The following MYOF variants were observed in gnomAD, a reference collection of about 807,000 sequenced individuals.
MYOF encodes the protein fer-1-like 3, myoferlin.
In MYOF, 244 loss-of-function variants were observed where a neutral mutation model predicts 284.2. That is an observed-to-expected ratio of 0.86 (90% CI 0.77 to 0.95). The LOEUF (loss-of-function observed/expected upper bound fraction) is 0.95, where lower values mean the gene tolerates loss of function less well. MYOF is among the 40% of genes least tolerant of loss of function. The pLI, the probability that MYOF is intolerant of heterozygous loss-of-function variation, is 0.00. For missense variants in MYOF, 2,496 were observed against 2,560.6 expected (o/e 0.97, Z 0.54); for synonymous variants, 904 against 919.7 (o/e 0.98, Z 0.31).
Position 93,327,430 on chromosome 10 carries a change from G to A in MYOF, c.5131+1333C>T, listed in dbSNP as rs538365168. Among the ~76,000 whole-genome samples, 40 of 152,210 alleles carry A rather than the reference G, an allele frequency of 2.6e-4. No homozygotes were observed. In the South Asian group the frequency reaches 7.5e-3, roughly 28 times the overall value. On this transcript the variant is annotated intron_variant, in intron 45 of 53. Transcript: ENST00000359263. ...TTCTGTATATACTCTTGTGGCACAA[G>A]CTCATGGCCAGCCTCGGCCAGAACT...
intron 1 of MYOF, among the ~76,000 whole-genome samples, chr10:93,460,630 G>A (rs998006447): frequency 6.6e-6 from 1 of 151,986 alleles, no homozygotes; most frequent in Non-Finnish European, 1.5e-5. Context: ...AGCCGGGCAT[G>A]GTGGTGGACG....
rs1847814594 is a variant in MYOF at position 93,409,696 on chromosome 10, A to G, written c.477T>C (p.Asn159=). The change falls in exon 6 of 54, where the codon AAT becomes AAC. Residue 159 remains asparagine (N), a synonymous_variant. Coordinates refer to ENST00000359263, the MANE Select transcript of MYOF (RefSeq NM_013451.4). The part of the protein sequence containing the change: ...EDEGDEDRLD[N]AVRGPGPKGP... ...CCTTGGGCCCAGGGCCCCTGACTGC[A>G]TTGTCCAACCTGTCTTCATCACCTT... is the stretch of plus-strand genomic sequence containing the variant. 2 of 1,614,190 alleles carry G rather than the reference A, an allele frequency of 1.2e-6. No individual in the cohort carries two copies. The highest frequency in any genetic ancestry group is 1.3e-5 in the African/African-American group (1 of 75,044).
chr10:93,313,136 G>C lies in MYOF; in HGVS notation c.5773C>G (p.Pro1925Ala), dbSNP rs781234710. ...AGGGGGTTCATGGCTTTGAGGTCCG[G>C]AATCATGTCCAATCTGCATTTCTCT... ...SPEKCRLDMI[P>A]DLKAMNPLKA... The change falls in exon 51 of 54, where the codon CCG becomes GCG. Residue 1925 changes from proline to alanine, a missense_variant. Physicochemically the swap from Pro to Ala is conservative, Grantham distance 27 (BLOSUM62 -1). Around this residue, in one of 3 missense-constraint regions of MYOF, gnomAD observed 2,436 missense variants for 2,480.7 expected, o/e 0.98. Transcript: ENST00000359263. 1.2e-6 allele frequency: 2 copies of C among 1,613,986 alleles called. No individual in the cohort carries two copies. Among genetic ancestry groups the C allele is most frequent in the African/African-American group, 2.7e-5 (2 of 74,910 alleles).
intron 37 of MYOF, among the ~76,000 whole-genome samples, chr10:93,346,227 C>T (rs1844177952): frequency 6.6e-6 from 1 of 152,172 alleles, no homozygotes; most frequent in Non-Finnish European, 1.5e-5. Flanking sequence ...TTTTTTTCCT[C>T]TTCTCTGAAT....
intron 19 of MYOF, among the ~76,000 whole-genome samples, chr10:93,382,927 G>A (rs574901074): frequency 1.4e-4 from 21 of 152,024 alleles, no homozygotes; most frequent in South Asian, 4.2e-4. Context: ...ACTGTGTCTC[G>A]CTCTGTCACC....
chr10:93,471,005 G>A (rs1178091969), intron 1 of MYOF, among the ~76,000 whole-genome samples: 1 of 152,238 alleles, frequency 6.6e-6, no homozygotes, highest in African/African-American at 2.4e-5. Context: ...AGAGAGAAGG[G>A]CAAGGAATTT....
At chr10:93,399,705 C>G (rs1043171071) in intron 12 of MYOF, among the ~76,000 whole-genome samples, 5 of 152,156 alleles carry the variant, frequency 3.3e-5, no homozygotes, top group Admixed American at 6.5e-5. Flanking sequence ...AACCCCTTCT[C>G]TATTGAAAAT....
intron 17 of MYOF, among the ~76,000 whole-genome samples, chr10:93,391,357 G>C (rs542868018): frequency 6.6e-6 from 1 of 152,152 alleles, no homozygotes; most frequent in Non-Finnish European, 1.5e-5. Context: ...TTGGGAGGCT[G>C]AGGCAGACGG....
intron 38 of MYOF, among the ~76,000 whole-genome samples, chr10:93,341,206 G>GATCA (rs1273863830): frequency 6.6e-6 from 1 of 151,930 alleles, no homozygotes; most frequent in African/African-American, 2.4e-5. Flanking sequence ...TGGTTCCTGA[G>GATCA]ATCAGATTTT....
intron 49 of MYOF, among the ~76,000 whole-genome samples, chr10:93,317,435 G>C (rs892016017): frequency 2.0e-5 from 3 of 151,938 alleles, no homozygotes; most frequent in Non-Finnish European, 4.4e-5. Context: ...CCAGGAGTTT[G>C]AGACCAGCCT....
intron 42 of MYOF, 88 bp downstream of exon 42, chr10:93,333,670 C>G: frequency 6.6e-7 from 1 of 1,510,544 alleles, no homozygotes; most frequent in South Asian, 1.3e-5. Context: ...AGATAACAGA[C>G]GCCCAGAAAG....
chr10:93,311,568 G>T (rs1842393296), intron 51 of MYOF, among the ~76,000 whole-genome samples: 1 of 148,074 alleles, frequency 6.8e-6, no homozygotes, highest in African/African-American at 2.5e-5. Flanking sequence ...CAGCCTGGGT[G>T]ACAGAGTGAG....
At chr10:93,364,197 C>G (rs1419858606) in intron 26 of MYOF, 122 bp from the exon 27 acceptor site, 2 of 730,218 alleles carry the variant, frequency 2.7e-6, no homozygotes, top group Non-Finnish European at 4.6e-6. Flanking sequence ...CTCGCTTTAC[C>G]CCTGTTGGTT....
intron 4 of MYOF, among the ~76,000 whole-genome samples, chr10:93,429,384 G>A (rs569403215): frequency 6.0e-4 from 92 of 152,186 alleles, no homozygotes; most frequent in African/African-American, 2.0e-3. Context: ...CCCAGCCTCA[G>A]GTATTCCTTT....
At chr10:93,381,118 G>T in intron 20 of MYOF, 101 bp downstream of exon 20, 1 of 1,258,710 alleles carries the variant, frequency 7.9e-7, no homozygotes, top group Non-Finnish European at 1.1e-6. Context: ...CTAACCATAG[G>T]CTGCGTAGAA....
At chr10:93,361,631 G>A (rs992033438) in intron 27 of MYOF, 74 bp from the exon 28 acceptor site, 12 of 1,371,202 alleles carry the variant, frequency 8.8e-6, no homozygotes, top group Non-Finnish European at 1.2e-5. Flanking sequence ...GTCCAATATA[G>A]TTCCTCATTT....
chr10:93,340,947 C>T (rs1010782875), intron 38 of MYOF, among the ~76,000 whole-genome samples: 7 of 152,156 alleles, frequency 4.6e-5, no homozygotes, highest in Non-Finnish European at 7.3e-5. Flanking sequence ...TTATGTTCAT[C>T]CTGAAGGGCT....
In MYOF at chr10:93,405,243, TATC is replaced by T. The variant is rs147141792; in HGVS notation, c.730-1027_730-1025del. Among the ~76,000 whole-genome samples, 488 of 152,292 alleles carry T rather than the reference TATC, an allele frequency of 3.2e-3. 5 individuals carry two copies. The highest frequency in any genetic ancestry group is 0.011 in the African/African-American group (456 of 41,564). On this transcript the variant is annotated intron_variant, in intron 7 of 53. Transcript: ENST00000359263. ...TCCTCCTATAGAATTGCAACACCAT[TATC>T]ATAACCAAGAAATTTAACATCTAAC...
At chr10:93,355,455 G>A (rs552747517) in intron 31 of MYOF, among the ~76,000 whole-genome samples, 173 bp downstream of exon 31, 16 of 152,102 alleles carry the variant, frequency 1.1e-4, no homozygotes, top group Non-Finnish European at 1.8e-4. Flanking sequence ...GCATGGTGAC[G>A]TGCGCCTGTA....
Sources: allele counts gnomAD v4.1 joint callset (sites outside exome capture counted in the v4.1 genomes callset), GRCh38; gene constraint gnomAD v4.1.1; regional missense constraint gnomAD v4.1.1; transcripts MANE v1.5; gene names NCBI Gene and HGNC (gene_info 2026-07-23, HGNC 2026-07-21).